The following UIMC1 variants were observed in gnomAD, a reference collection of about 807,000 sequenced individuals.
The protein encoded by UIMC1 is ubiquitin interaction motif containing 1, also known as BRCA1-A complex subunit RAP80.
Under a neutral mutation model 84.9 loss-of-function variants are expected in UIMC1, and 42 were observed. The observed-to-expected ratio is 0.49, with a 90% CI of 0.39 to 0.64. The LOEUF is 0.64. Among genes scored for constraint, UIMC1 ranks in the 30% least tolerant of loss-of-function variants. The pLI is 0.00. For missense variants in UIMC1, 825 were observed against 847.6 expected (o/e 0.97, Z 0.33); for synonymous variants, 281 against 293.0 (o/e 0.96, Z 0.42).
intron 9 of UIMC1, among the ~76,000 whole-genome samples, chr5:176,948,208 C>T (rs1423087572): frequency 6.6e-6 from 1 of 152,182 alleles, no homozygotes; most frequent in Non-Finnish European, 1.5e-5. Flanking sequence ...TATTCAGAAA[C>T]ACTATTTCCA....
At chr5:176,971,152 A>G (rs1330037844) in intron 3 of UIMC1, among the ~76,000 whole-genome samples, 1 of 152,274 alleles carries the variant, frequency 6.6e-6, no homozygotes, top group Non-Finnish European at 1.5e-5. Context: ...AAAAAAGTGC[A>G]GGGCACATGG....
At chr5:176,922,591 T>C (rs978933390) in intron 10 of UIMC1, among the ~76,000 whole-genome samples, 10 of 152,246 alleles carry the variant, frequency 6.6e-5, no homozygotes, top group African/African-American at 2.4e-4. Context: ...TGAATCCTTA[T>C]ATAATACTTC....
At chr5:176,956,994 G>C (rs2149463613) in intron 7 of UIMC1, among the ~76,000 whole-genome samples, 2 of 152,074 alleles carry the variant, frequency 1.3e-5, no homozygotes, top group Admixed American at 1.3e-4. Context: ...TTATAAAATG[G>C]GCTAATCAAT....
chr5:177,011,803 AT>A lies in UIMC1; in HGVS notation c.-9+10660del, dbSNP rs1173625143. ...GAGGAACATAAATTGTGAAGATTTA[AT>A]TTTTTTTTTTTTTTGAGACGGAATC... On this transcript the variant is annotated intron_variant, in intron 1 of 5. Transcript: ENST00000509236. Among the ~76,000 whole-genome samples, 908 of 143,654 alleles carry A rather than the reference AT, an allele frequency of 6.3e-3. 6 individuals are homozygous for A. The highest frequency in any genetic ancestry group is 0.017 in the African/African-American group (652 of 39,374). The allele number at this position is 143,654 out of a possible 152,430, so 94.2% of individuals were successfully genotyped here.
At position 177,018,030 on chromosome 5, in the gene UIMC1, T is replaced by C. The variant is rs369924902; in HGVS notation, c.-9+4434A>G. Among the ~76,000 whole-genome samples, 4 of 152,174 alleles carry C rather than the reference T, an allele frequency of 2.6e-5. No homozygotes were observed. In the South Asian group the frequency reaches 6.2e-4, roughly 24 times the overall value. ...CAGTAGATACTTTTATGTCTGTCACTAGATTAGACATACTAGAGTTAGAAA... is the reference window on the plus strand; with the variant it reads ...CAGTAGATACTTTTATGTCTGTCACCAGATTAGACATACTAGAGTTAGAAA... On this transcript the variant is annotated intron_variant, in intron 1 of 5. Coordinates refer to the UIMC1 transcript ENST00000509236.
At chr5:176,938,426 A>G (rs964078515) in intron 10 of UIMC1, among the ~76,000 whole-genome samples, 1 of 152,092 alleles carries the variant, frequency 6.6e-6, no homozygotes, top group Non-Finnish European at 1.5e-5. Context: ...CTGAGTACCT[A>G]TTGTACACCA....
In UIMC1 at chr5:176,971,870, T is replaced by C. The variant is rs144722200; in HGVS notation, c.233-1004A>G. Among the ~76,000 whole-genome samples the C allele has an allele frequency of 9.3e-3, 1,411 of 151,998 alleles. 9 individuals carry two copies. Among genetic ancestry groups the C allele is most frequent in the South Asian group, 0.025 (121 of 4,816 alleles). ...GTTGCAATGAGCTGAAACCATGCCATTGCACTCCACCCTAGGTGACAAAAG... is the reference window on the plus strand; with the variant it reads ...GTTGCAATGAGCTGAAACCATGCCACTGCACTCCACCCTAGGTGACAAAAG... On this transcript the variant is annotated intron_variant, in intron 3 of 14. Coordinates refer to ENST00000511320, the MANE Select transcript of UIMC1 (RefSeq NM_001199298.2).
intron 10 of UIMC1, among the ~76,000 whole-genome samples, chr5:176,927,258 C>A (rs1188892042): frequency 1.4e-5 from 2 of 144,014 alleles, no homozygotes; most frequent in Admixed American, 6.9e-5. Context: ...CCATGAATTT[C>A]TTTATTTTTT....
At chr5:176,947,620 C>G (rs1765298813) in intron 9 of UIMC1, among the ~76,000 whole-genome samples, 1 of 152,052 alleles carries the variant, frequency 6.6e-6, no homozygotes, top group East Asian at 1.9e-4. Flanking sequence ...AGATGGAGAC[C>G]ATCCTGGCTA....
intron 10 of UIMC1, among the ~76,000 whole-genome samples, chr5:176,939,565 TAACACAC>T (rs1764168963): frequency 2.0e-5 from 3 of 152,200 alleles, no homozygotes; most frequent in African/African-American, 7.2e-5. Context: ...TTCGGTACAG[TAACACAC>T]TGTACAGGTT....
chr5:176,917,240 C>A (rs552425431), intron 10 of UIMC1, among the ~76,000 whole-genome samples: 1 of 152,224 alleles, frequency 6.6e-6, no homozygotes, highest in African/African-American at 2.4e-5. Flanking sequence ...CTACAACCAA[C>A]GACCTCAGAG....
rs761347322 is a variant in UIMC1 at position 176,958,101 on chromosome 5, A to G, written c.1254T>C (p.Ala418=). The G allele has an allele frequency of 4.3e-6, 7 of 1,613,610 alleles. No individual in the cohort carries two copies. Among genetic ancestry groups the G allele is most frequent in the East Asian group, 2.2e-5 (1 of 44,884 alleles). ...AACATATAATCTCTCACCTTTGTGA[A>G]GCAGGTACAGAGTTTCCCTCTTCAG... ...ETSEEGNSVP[A]SQSVAALTSK... Residue 418 remains alanine, a synonymous_variant, in exon 7 of 15, where the codon GCT becomes GCC. Transcript: ENST00000511320.
chr5:176,951,600 T>A, intron 8 of UIMC1, 23 bp from the exon 9 acceptor site: 1 of 1,510,548 alleles, frequency 6.6e-7, no homozygotes, highest in South Asian at 1.3e-5. Flanking sequence ...AAAGTTAAAA[T>A]CCCATTAATT....
chr5:176,951,503 C>A lies in UIMC1; in HGVS notation c.1414G>T (p.Gly472Ter). ...TTATCTGCCATTATTATTCTGACTC[C>A]ATCCAAGATATCTCTGCTACCTGGA... ...VSPGSRDILD[G>*]VRIIMADKEV... Residue 472 changes from glycine (G) to a stop codon, truncating the protein, a stop_gained, in exon 9 of 15, where the codon GGA (glycine) becomes TGA (stop). Transcript: ENST00000511320. LOFTEE classifies it high-confidence loss of function. 1 of 1,570,840 alleles carries A rather than the reference C, an allele frequency of 6.4e-7. No individual in the cohort carries two copies. Among genetic ancestry groups the A allele is most frequent in the Non-Finnish European group, 8.6e-7 (1 of 1,160,828 alleles).
intron 10 of UIMC1, among the ~76,000 whole-genome samples, chr5:176,912,267 C>T (rs1398571038): frequency 6.6e-6 from 1 of 152,176 alleles, no homozygotes; most frequent in Non-Finnish European, 1.5e-5. Flanking sequence ...CTCAACTCTG[C>T]ACTGTTAGCA....
intron 10 of UIMC1, among the ~76,000 whole-genome samples, chr5:176,925,740 A>G (rs1762315503): frequency 6.6e-6 from 1 of 152,212 alleles, no homozygotes; most frequent in Admixed American, 6.5e-5. Context: ...TTTTACAGAA[A>G]TAAAACAGTG....
At chr5:176,954,304 T>C (rs141641320) in intron 8 of UIMC1, among the ~76,000 whole-genome samples, 11 of 152,322 alleles carry the variant, frequency 7.2e-5, no homozygotes, top group African/African-American at 2.4e-4. Context: ...GGGGGAAAGC[T>C]TTCTTTTCAC....
At chr5:176,991,429 T>C (rs760305467) in intron 1 of UIMC1, among the ~76,000 whole-genome samples, 4 of 151,888 alleles carry the variant, frequency 2.6e-5, no homozygotes, top group Non-Finnish European at 5.9e-5. Flanking sequence ...GGGGAAAGAA[T>C]ATGAAATCTG....
chr5:176,999,990 G>A (rs933806404), intron 1 of UIMC1, among the ~76,000 whole-genome samples: 2 of 152,134 alleles, frequency 1.3e-5, no homozygotes, highest in Non-Finnish European at 2.9e-5. Flanking sequence ...ATGGAGTCTC[G>A]CTCTGTCACC....
Sources: gnomAD v4.1 joint callset for allele counts (sites outside exome capture counted in the v4.1 genomes callset) on GRCh38, gnomAD v4.1.1 for gene constraint, MANE v1.5 for transcripts, NCBI Gene and HGNC (gene_info 2026-07-23, HGNC 2026-07-21) for gene names.